Variants in INPP4B observed in about 807,000 individuals in gnomAD.
INPP4B encodes the protein inositol polyphosphate-4-phosphatase type II B.
A neutral mutation model predicts 122.5 loss-of-function variants in INPP4B; 55 were observed. That is an observed-to-expected ratio of 0.45 (90% CI 0.36 to 0.56). INPP4B has a LOEUF of 0.56. Among genes scored for constraint, INPP4B ranks in the 20% least tolerant of loss-of-function variants. INPP4B has a pLI of 0.00. For missense variants in INPP4B, 1,000 were observed against 1,097.7 expected (o/e 0.91, Z 1.26); for synonymous variants, 403 against 388.7 (o/e 1.04, Z -0.43).
chr4:142,163,179 G>A (rs1222969618), intron 16 of INPP4B, among the ~76,000 whole-genome samples: 4 of 151,550 alleles, frequency 2.6e-5, no homozygotes, highest in African/African-American at 2.4e-5. Context: ...ACCTTGGTCT[G>A]AAAATATTAA....
At chr4:142,738,655 C>A (rs1767425387) in intron 1 of INPP4B, among the ~76,000 whole-genome samples, 1 of 151,866 alleles carries the variant, frequency 6.6e-6, no homozygotes, top group Admixed American at 6.6e-5. Context: ...ATATTAGATT[C>A]CAAGGGCTGT....
intron 2 of INPP4B, chr4:142,560,493 C>A (rs13145040): frequency 0.48 from 72,863 of 152,014 alleles, 20,272 homozygotes; most frequent in Non-Finnish European, 0.63. Flanking sequence ...AGGCTGTCTG[C>A]AAACTGAGGA....
intron 7 of INPP4B, among the ~76,000 whole-genome samples, chr4:142,347,842 T>G (rs1236614056): frequency 6.6e-6 from 1 of 151,948 alleles, no homozygotes; most frequent in Non-Finnish European, 1.5e-5. Flanking sequence ...CTCATAAAAA[T>G]GTTGAAATGG....
intron 2 of INPP4B, among the ~76,000 whole-genome samples, chr4:142,491,613 T>G (rs997174638): frequency 2.0e-5 from 3 of 152,156 alleles, no homozygotes; most frequent in Non-Finnish European, 4.4e-5. Context: ...GCCAAGATTG[T>G]GCCATTGCAC....
At chr4:142,607,306 T>C (rs1288078605) in intron 2 of INPP4B, among the ~76,000 whole-genome samples, 2 of 152,070 alleles carry the variant, frequency 1.3e-5, no homozygotes, top group Admixed American at 6.6e-5. Context: ...TAGTCAAATA[T>C]ATGCAAATGT....
chr4:142,748,858 G>A (rs1004141589), intron 1 of INPP4B, among the ~76,000 whole-genome samples: 2 of 151,954 alleles, frequency 1.3e-5, no homozygotes, highest in African/African-American at 2.4e-5. Flanking sequence ...AGCTAAGACA[G>A]GCCATGCACA....
At chr4:142,672,740 A>G (rs927302870) in intron 2 of INPP4B, among the ~76,000 whole-genome samples, 2 of 152,090 alleles carry the variant, frequency 1.3e-5, no homozygotes, top group Non-Finnish European at 2.9e-5. Flanking sequence ...AGGATTCCAA[A>G]TTTGATAGTC....
At chr4:142,588,657 G>T (rs539570408) in intron 2 of INPP4B, among the ~76,000 whole-genome samples, 22 of 151,220 alleles carry the variant, frequency 1.5e-4, no homozygotes, top group African/African-American at 4.8e-4. Flanking sequence ...TCTATATGCA[G>T]AAAACTATAA....
chr4:142,435,545 A>G (rs1247813820), intron 3 of INPP4B, among the ~76,000 whole-genome samples: 1 of 152,008 alleles, frequency 6.6e-6, no homozygotes, highest in African/African-American at 2.4e-5. Flanking sequence ...ATCTAAAAGA[A>G]GCAAAAGAGC....
At chr4:142,297,685 C>T (rs914813052) in intron 9 of INPP4B, among the ~76,000 whole-genome samples, 1 of 152,212 alleles carries the variant, frequency 6.6e-6, no homozygotes, top group Non-Finnish European at 1.5e-5. Flanking sequence ...GCCAATTAAA[C>T]CTCTTTTCTT....
intron 22 of INPP4B, among the ~76,000 whole-genome samples, chr4:142,111,851 C>A (rs1311078049): frequency 1.3e-5 from 2 of 151,998 alleles, no homozygotes; most frequent in Non-Finnish European, 2.9e-5. Flanking sequence ...TCAAAAAATT[C>A]TCCTGCCTTA....
intron 10 of INPP4B, among the ~76,000 whole-genome samples, chr4:142,264,711 A>G (rs768446678): frequency 3.9e-5 from 6 of 152,206 alleles, no homozygotes; most frequent in East Asian, 3.8e-4. Context: ...TTTAAGACTC[A>G]AGATTAAAAT....
At chr4:142,681,299 G>A (rs1330199178) in intron 2 of INPP4B, among the ~76,000 whole-genome samples, 3 of 151,682 alleles carry the variant, frequency 2.0e-5, no homozygotes, top group Non-Finnish European at 4.4e-5. Flanking sequence ...TCGTTTCCTA[G>A]CACAGCCATT....
At position 142,579,871 on chromosome 4, in the gene INPP4B, A is replaced by ATAGATAGG. The variant is rs1246651975; in HGVS notation, c.-190-117146_-190-117145insCCTATCTA. Reference sequence around the variant, plus strand: ...ATTGGATGAATGGATAGATAGATAGATAGGTAGGTAGATAGATAGATAGAT... The same window carrying ATAGATAGG: ...ATTGGATGAATGGATAGATAGATAGATAGATAGGTAGGTAGGTAGATAGATAGATAGAT... On this transcript the variant is annotated intron_variant, in intron 2 of 25. Transcript: ENST00000262992. Among the ~76,000 whole-genome samples the ATAGATAGG allele has an allele frequency of 3.6e-4, 34 of 94,354 alleles. No individual in the cohort carries two copies. In the South Asian group the frequency reaches 4.5e-3, roughly 12 times the overall value. The allele number at this position is 94,354 out of a possible 152,430, so 61.9% of individuals were successfully genotyped here.
At chr4:142,767,886 A>T (rs1301515882) in intron 1 of INPP4B, 1 of 152,068 alleles carries the variant, frequency 6.6e-6, no homozygotes, top group African/African-American at 2.4e-5. Flanking sequence ...AATCCACTTC[A>T]CTTCTGTGCC....
chr4:142,779,160 C>T (rs945511533), intron 1 of INPP4B, among the ~76,000 whole-genome samples: 1 of 151,936 alleles, frequency 6.6e-6, no homozygotes, highest in Non-Finnish European at 1.5e-5. Flanking sequence ...GCCAAATCTC[C>T]TTGGCATACT....
chr4:142,290,792 G>GC (rs111652389), intron 9 of INPP4B, among the ~76,000 whole-genome samples: 9 of 152,238 alleles, frequency 5.9e-5, no homozygotes, highest in African/African-American at 2.2e-4. Flanking sequence ...TGGTATGTAT[G>GC]ACCAAAGACA....
intron 2 of INPP4B, among the ~76,000 whole-genome samples, chr4:142,534,619 T>C (rs1262766144): frequency 6.6e-6 from 1 of 151,656 alleles, no homozygotes; most frequent in Non-Finnish European, 1.5e-5. Flanking sequence ...CAAATGCCTA[T>C]ATATTTATAA....
chr4:142,138,791 T>A (rs1806124118), intron 18 of INPP4B, among the ~76,000 whole-genome samples: 1 of 152,170 alleles, frequency 6.6e-6, no homozygotes, highest in Non-Finnish European at 1.5e-5. Context: ...AATGTGAGTG[T>A]ACTAAGTGTC....
Sources: gnomAD v4.1 joint callset for allele counts (sites outside exome capture counted in the v4.1 genomes callset) on GRCh38, gnomAD v4.1.1 for gene constraint, MANE v1.5 for transcripts, NCBI Gene and HGNC (gene_info 2026-07-23, HGNC 2026-07-21) for gene names.